GRM7: variants seen among roughly 807,000 people sequenced by gnomAD.
GRM7 encodes the protein glutamate metabotropic receptor 7, also known as metabotropic glutamate receptor 7.
A neutral mutation model predicts 84.5 loss-of-function variants in GRM7; 35 were observed. That is an observed-to-expected ratio of 0.41 (90% CI 0.32 to 0.55). The LOEUF (loss-of-function observed/expected upper bound fraction) is 0.55, where lower values mean the gene tolerates loss of function less well. GRM7 is among the 20% of genes least tolerant of loss of function. GRM7 has a pLI of 0.19. For synonymous variants in GRM7, 487 were observed against 455.1 expected (o/e 1.07, Z -0.89); for missense variants, 1,003 against 1,194.6 (o/e 0.84, Z 2.36).
chr3:6,956,455 G>A, intron 1 of GRM7: 1 of 430,744 alleles, frequency 2.3e-6, no homozygotes, highest in South Asian at 1.7e-5. Context: ...TTGGGCAAAC[G>A]CCGGCACCAT....
intron 2 of GRM7, among the ~76,000 whole-genome samples, chr3:7,178,146 T>G (rs1695215585): frequency 6.6e-6 from 1 of 152,206 alleles, no homozygotes; most frequent in South Asian, 2.1e-4. Flanking sequence ...TGTGTTTTAT[T>G]AAAGCCAAAG....
intron 1 of GRM7, among the ~76,000 whole-genome samples, chr3:6,890,827 T>TG (rs1297732067): frequency 6.6e-6 from 1 of 152,118 alleles, no homozygotes; most frequent in Non-Finnish European, 1.5e-5. Context: ...ATGTTGACAG[T>TG]GGGGTGTTAA....
rs147959032 is a variant in GRM7, at chr3:7,104,660, C to A, written c.520-41792C>A. Among the ~76,000 whole-genome samples, 689 of 151,768 alleles carry A rather than the reference C, an allele frequency of 4.5e-3. 6 individuals carry two copies. The highest frequency in any genetic ancestry group is 0.016 in the African/African-American group (652 of 41,492). ...GTTATGCCTGGAACTCATCAAACAT[C>A]TCATATTGTTAGCTGTTACCATCAT... On this transcript the variant is annotated intron_variant, in intron 1 of 9. Coordinates refer to ENST00000357716, the MANE Select transcript of GRM7 (RefSeq NM_000844.4).
chr3:7,703,097 T>C (rs1025932363), intron 9 of GRM7, among the ~76,000 whole-genome samples: 1 of 152,288 alleles, frequency 6.6e-6, no homozygotes, highest in Middle Eastern at 3.4e-3. Context: ...AGTTTCCATA[T>C]AGCTATAAGT....
chr3:7,688,465 G>T (rs1700669300), intron 9 of GRM7, among the ~76,000 whole-genome samples: 1 of 151,844 alleles, frequency 6.6e-6, no homozygotes, highest in African/African-American at 2.4e-5. Context: ...AATTATATTT[G>T]GTTCCCTTTT....
In GRM7 at chr3:7,607,964, A is replaced by C. The variant is rs1312764143; in HGVS notation, c.2451+28607A>C. 3 of 231,438 alleles carry C rather than the reference A, an allele frequency of 1.3e-5. No individual in the cohort carries two copies. In the Admixed American group the frequency reaches 1.4e-4, roughly 11 times the overall value. 14.3% of individuals were successfully genotyped at this position (231,438 alleles called of 1,614,324 possible). ...AGTTCTTATTATTTAGCTTCCACTT[A>C]TAAGTGAGAACACACCATATTCTGT... On this transcript the variant is annotated intron_variant, in intron 8 of 9. Transcript: ENST00000357716.
chr3:7,189,078 G>A (rs940268222), intron 2 of GRM7, among the ~76,000 whole-genome samples: 1 of 152,118 alleles, frequency 6.6e-6, no homozygotes, highest in Non-Finnish European at 1.5e-5. Flanking sequence ...GGTAGTTGTG[G>A]CAATTAACTC....
intron 1 of GRM7, among the ~76,000 whole-genome samples, chr3:7,078,890 G>A (rs1698561152): frequency 6.6e-6 from 1 of 151,104 alleles, no homozygotes; most frequent in Non-Finnish European, 1.5e-5. Context: ...GGTAAGTAGA[G>A]TAAATAGATG....
rs533659953 is a variant in GRM7 at position 7,461,022 on chromosome 3, A to G, written c.1376-561A>G. Among the ~76,000 whole-genome samples the G allele has an allele frequency of 3.9e-5, 6 of 152,136 alleles. No homozygotes were observed. The South Asian group carries it at 1.2e-3, about 31-fold the overall frequency. ...CTGAATACCTGACAAATACACTGCTAAACCTTTTACCTGCTTATGATATAA... is the reference window on the plus strand; with the variant it reads ...CTGAATACCTGACAAATACACTGCTGAACCTTTTACCTGCTTATGATATAA... On this transcript the variant is annotated intron_variant, in intron 6 of 9. Coordinates refer to ENST00000357716, the MANE Select transcript of GRM7 (RefSeq NM_000844.4).
At chr3:6,950,640 C>G (rs1348460054) in intron 1 of GRM7, among the ~76,000 whole-genome samples, 1 of 152,188 alleles carries the variant, frequency 6.6e-6, no homozygotes, top group East Asian at 1.9e-4. Flanking sequence ...TTTGTCTGTG[C>G]CCTGCCCCCA....
rs576839483 is a variant in GRM7, at chr3:7,414,477, G to A, written c.1034-546G>A. Among the ~76,000 whole-genome samples the A allele has an allele frequency of 1.4e-4, 22 of 152,100 alleles. No homozygotes were observed. The South Asian group carries it at 1.9e-3, about 13-fold the overall frequency. On this transcript the variant is annotated intron_variant, in intron 4 of 9. Transcript: ENST00000357716. ...CTTGCAAGATCTTATGACCCCATAC[G>A]AACATTTAAAGTCACACTGTCCTAA...
intron 1 of GRM7, among the ~76,000 whole-genome samples, chr3:6,995,273 T>A (rs1267511506): frequency 6.6e-6 from 1 of 152,250 alleles, no homozygotes; most frequent in Non-Finnish European, 1.5e-5. Flanking sequence ...CAACATGATC[T>A]CTATTCCAAC....
chr3:7,297,032 G>T (rs111737876), intron 2 of GRM7, among the ~76,000 whole-genome samples: 32 of 151,804 alleles, frequency 2.1e-4, no homozygotes, highest in African/African-American at 7.2e-4. Context: ...TTTATTATGT[G>T]CTTTCTGCTT....
At chr3:7,267,184 C>T (rs1246785872) in intron 2 of GRM7, among the ~76,000 whole-genome samples, 1 of 152,138 alleles carries the variant, frequency 6.6e-6, no homozygotes, top group African/African-American at 2.4e-5. Context: ...CTGATTGATA[C>T]TGATTACAGG....
At chr3:6,902,853 A>G (rs547217614) in intron 1 of GRM7, among the ~76,000 whole-genome samples, 44 of 75,942 alleles carry the variant, frequency 5.8e-4, no homozygotes, top group African/African-American at 2.2e-3. Flanking sequence ...AGACTCCTAC[A>G]CACACACACA....
chr3:7,624,576 G>C (rs1204927682), intron 8 of GRM7, among the ~76,000 whole-genome samples: 5 of 152,238 alleles, frequency 3.3e-5, no homozygotes, highest in Non-Finnish European at 5.9e-5. Context: ...AATGGCACAT[G>C]CTAGAACAGA....
At chr3:7,731,658 C>T (rs1702335485) in intron 9 of GRM7, among the ~76,000 whole-genome samples, 1 of 152,156 alleles carries the variant, frequency 6.6e-6, no homozygotes, top group Non-Finnish European at 1.5e-5. Flanking sequence ...TGCTAAGGCT[C>T]AGACATGCAT....
At chr3:6,969,130 C>T (rs868214881) in intron 1 of GRM7, among the ~76,000 whole-genome samples, 1 of 151,868 alleles carries the variant, frequency 6.6e-6, no homozygotes, top group Non-Finnish European at 1.5e-5. Flanking sequence ...TAAAAACTAC[C>T]AGCACATCCT....
chr3:7,505,367 C>T (rs575219202), intron 7 of GRM7, among the ~76,000 whole-genome samples: 3 of 152,300 alleles, frequency 2.0e-5, no homozygotes, highest in African/African-American at 4.8e-5. Flanking sequence ...TGAGGGTGAC[C>T]CTGACCCTAT....
Sources: gnomAD v4.1 joint callset for allele counts (sites outside exome capture counted in the v4.1 genomes callset) on GRCh38, gnomAD v4.1.1 for gene constraint, MANE v1.5 for transcripts, NCBI Gene and HGNC (gene_info 2026-07-23, HGNC 2026-07-21) for gene names.